Variants in PHKG2 observed in about 807,000 individuals in gnomAD.
PHKG2 encodes the protein phosphorylase b kinase gamma catalytic chain, liver/testis isoform.
Under a neutral mutation model 44.5 loss-of-function variants are expected in PHKG2, and 28 were observed. The ratio of observed to expected loss-of-function variants is 0.63; its 90% CI spans 0.47 to 0.86. The LOEUF (loss-of-function observed/expected upper bound fraction) is 0.86. PHKG2 is among the 40% of genes least tolerant of loss of function. The pLI, the probability that PHKG2 is intolerant of heterozygous loss-of-function variation, is 0.00. For missense variants in PHKG2, 498 were observed against 547.5 expected (o/e 0.91, Z 0.90); for synonymous variants, 220 against 211.2 (o/e 1.04, Z -0.36).
rs1596689620 is a variant in PHKG2, at chr16:30,757,091, G to A, written c.1215G>A (p.Leu405=). ...AITEDEAVLV[L]G is the part of the protein sequence containing the mutation. ...CTGAGGATGAGGCCGTGCTTGTGCT[G>A]GGCTAGGACCTCAACCCCAGGGATT... Residue 405 remains leucine (L), a synonymous_variant, in exon 10 of 10, where the codon CTG becomes CTA. Coordinates refer to ENST00000563588, the MANE Select transcript of PHKG2 (RefSeq NM_000294.3). 2 of 1,613,106 alleles carry A rather than the reference G, an allele frequency of 1.2e-6. No homozygotes were observed. The highest frequency in any genetic ancestry group is 1.7e-6 in the Non-Finnish European group (2 of 1,180,020).
chr16:30,751,618 G>A lies in PHKG2; in HGVS notation c.326+15G>A. On this transcript the variant is annotated intron_variant, in intron 4 of 9. Transcript: ENST00000563588. ...GTGTTTGACCTGTGAGTATCTCCCT[G>A]CCACCATCTGAGAAGCCTCCTCCCC... is the stretch of plus-strand genomic sequence containing the variant. The A allele has an allele frequency of 6.2e-7, 1 of 1,608,596 alleles. No homozygotes were observed. Among genetic ancestry groups the A allele is most frequent in the South Asian group, 1.1e-5 (1 of 90,962 alleles).
rs765937812 is a variant in PHKG2 at position 30,757,592 on chromosome 16, G to C, written c.*495G>C. 12 of 1,614,056 alleles carry C rather than the reference G, an allele frequency of 7.4e-6. No individual in the cohort carries two copies. Among genetic ancestry groups the C allele is most frequent in the Non-Finnish European group, 1.0e-5 (12 of 1,180,034 alleles). ...TTGAGCCGCTCCTCCACCAGCCCCT[G>C]GAGCTGCTCCAGCTCTTTGTTCACT... On this transcript the variant is annotated 3_prime_UTR_variant, in exon 10 of 10. Coordinates refer to ENST00000563588, the MANE Select transcript of PHKG2 (RefSeq NM_000294.3).
rs1360459595 is a variant in PHKG2, at chr16:30,751,110, G to A, written c.100G>A (p.Val34Met). The A allele has an allele frequency of 2.5e-6, 4 of 1,613,580 alleles. No individual in the cohort carries two copies. The highest frequency in any genetic ancestry group is 1.6e-4 in the Middle Eastern group (1 of 6,062). ...YDPKDVIGRG[V>M]SSVVRRCVHR... ...GCTATTTTCCGGCTCTTGCAGAGGA[G>A]TGAGCTCTGTGGTCCGCCGTTGTGT... Residue 34 changes from valine (V) to methionine (M), a missense_variant, in exon 3 of 10, where the codon GTG (valine) becomes ATG (methionine). Transcript: ENST00000563588.
At chr16:30,755,786 T>C (rs532566290) in intron 6 of PHKG2, among the ~76,000 whole-genome samples, 2 of 151,658 alleles carry the variant, frequency 1.3e-5, no homozygotes, top group Non-Finnish European at 2.9e-5. Flanking sequence ...ATGCAGAAAA[T>C]TTTTTTTTGC....
In PHKG2 at chr16:30,759,092, T is replaced by G. The variant is rs1390497903; in HGVS notation, c.*1995T>G. On this transcript the variant is annotated 3_prime_UTR_variant, in exon 10 of 10. Coordinates refer to ENST00000563588, the MANE Select transcript of PHKG2 (RefSeq NM_000294.3). Reference sequence around the variant, plus strand: ...TGCCTGCTCCTCCATCTCCTTGCTTTCTTCTTTCTCTGCAAACCAGAAGCA... The same window carrying G: ...TGCCTGCTCCTCCATCTCCTTGCTTGCTTCTTTCTCTGCAAACCAGAAGCA... 22 of 1,614,196 alleles carry G rather than the reference T, an allele frequency of 1.4e-5. No homozygotes were observed. The highest frequency in any genetic ancestry group is 1.8e-5 in the Non-Finnish European group (21 of 1,180,040).
At position 30,760,469 on chromosome 16, in the gene PHKG2, G is replaced by GT; in HGVS notation, c.*3372_*3373insT. The GT allele has an allele frequency of 6.2e-7, 1 of 1,613,346 alleles. No homozygotes were observed. Among genetic ancestry groups the GT allele is most frequent in the Non-Finnish European group, 8.5e-7 (1 of 1,179,464 alleles). Reference sequence around the variant, plus strand: ...AGCCAGCACCCTTGGGAGGGAGAGAGGAGTGAGTGACAACTGGGCCTCCTT... The same window carrying GT: ...AGCCAGCACCCTTGGGAGGGAGAGAGTGAGTGAGTGACAACTGGGCCTCCTT... On this transcript the variant is annotated 3_prime_UTR_variant, in exon 10 of 10. Transcript: ENST00000563588.
Position 30,757,587 on chromosome 16 carries a change from C to A in PHKG2, c.*490C>A, listed in dbSNP as rs757905209. ...TGGCCTTGAGCCGCTCCTCCACCAGCCCCTGGAGCTGCTCCAGCTCTTTGT... is the reference window on the plus strand; with the variant it reads ...TGGCCTTGAGCCGCTCCTCCACCAGACCCTGGAGCTGCTCCAGCTCTTTGT... On this transcript the variant is annotated 3_prime_UTR_variant, in exon 10 of 10. Transcript: ENST00000563588. 2.5e-6 allele frequency: 4 copies of A among 1,614,184 alleles called. No individual in the cohort carries two copies. Among genetic ancestry groups the A allele is most frequent in the Non-Finnish European group, 3.4e-6 (4 of 1,180,022 alleles).
chr16:30,751,603 T>C lies in PHKG2; in HGVS notation c.326T>C (p.Leu109Pro). ...AGCTTCATGTTCCTGGTGTTTGACC[T>C]GTGAGTATCTCCCTGCCACCATCTG... ...SSSFMFLVFD[L>P]MRKGELFDYL... is the part of the protein sequence containing the mutation. The change falls in exon 4 of 10, where the codon CTG becomes CCG. Residue 109 changes from leucine (L) to proline (P), a missense_variant and splice_region_variant. Leu to Pro is a moderately conservative substitution (Grantham distance 98). Transcript: ENST00000563588. 6.2e-7 allele frequency: 1 copy of C among 1,612,264 alleles called. No individual in the cohort carries two copies. The highest frequency in any genetic ancestry group is 2.2e-5 in the East Asian group (1 of 44,866).
chr16:30,751,630 G>C (rs1434913784), intron 4 of PHKG2, 27 bp downstream of exon 4: 1 of 1,590,954 alleles, frequency 6.3e-7, no homozygotes, highest in Admixed American at 1.7e-5. Flanking sequence ...CACCATCTGA[G>C]AAGCCTCCTC....
intron 6 of PHKG2, among the ~76,000 whole-genome samples, chr16:30,755,612 G>C (rs2053409041): frequency 6.6e-6 from 1 of 151,936 alleles, no homozygotes; most frequent in Non-Finnish European, 1.5e-5. Flanking sequence ...GGAGGCGGAG[G>C]TTACATTGAG....
Position 30,756,417 on chromosome 16 carries a change from T to C in PHKG2, c.698T>C (p.Phe233Ser), listed in dbSNP as rs2053427702. The change falls in exon 8 of 10, where the codon TTC (phenylalanine) becomes TCC (serine). Residue 233 changes from phenylalanine (F) to serine (S), a missense_variant. Transcript: ENST00000563588. ...ACACTCCTGGCTGGCTCGCCACCCT[T>C]CTGGCACCGGCGGCAGATCCTGATG... ...LFTLLAGSPP[F>S]WHRRQILMLR... 2 of 1,613,906 alleles carry C rather than the reference T, an allele frequency of 1.2e-6. No homozygotes were observed. Among genetic ancestry groups the C allele is most frequent in the African/African-American group, 1.3e-5 (1 of 74,894 alleles).
intron 4 of PHKG2, chr16:30,752,865 A>AAACTT (rs2053369683): frequency 2.9e-6 from 1 of 339,424 alleles, no homozygotes; most frequent in Non-Finnish European, 5.6e-6. Flanking sequence ...AAACTTCAAA[A>AAACTT]TAAGGTCCTA....
intron 7 of PHKG2, 41 bp downstream of exon 7, chr16:30,756,313 C>A: frequency 6.2e-7 from 1 of 1,614,114 alleles, no homozygotes; most frequent in Non-Finnish European, 8.5e-7. Flanking sequence ...GCTTGCTGTC[C>A]TTTGCTGGGT....
At position 30,756,449 on chromosome 16, in the gene PHKG2, A is replaced by G; in HGVS notation, c.730A>G (p.Met244Val). ...CCGGCGGCAGATCCTGATGTTACGC[A>G]TGATCATGGAGGGCCAGTACCAGTT... Reference protein sequence around the residue: ...WHRRQILMLRMIMEGQYQFSS... With the variant: ...WHRRQILMLRVIMEGQYQFSS... Residue 244 changes from methionine (M) to valine (V), a missense_variant, in exon 8 of 10, where the codon ATG becomes GTG. Met to Val is a conservative substitution (Grantham distance 21). Coordinates refer to ENST00000563588, the MANE Select transcript of PHKG2 (RefSeq NM_000294.3). The G allele has an allele frequency of 6.8e-6, 11 of 1,613,848 alleles. No individual in the cohort carries two copies. Among genetic ancestry groups the G allele is most frequent in the South Asian group, 1.1e-5 (1 of 91,076 alleles).
intron 6 of PHKG2, chr16:30,754,898 C>T (rs1188804478): frequency 2.2e-6 from 1 of 455,902 alleles, no homozygotes; most frequent in African/African-American, 2.0e-5. Flanking sequence ...TCGGTAAGGG[C>T]TCATCTCATT....
intron 2 of PHKG2, among the ~76,000 whole-genome samples, chr16:30,749,517 A>G (rs1459951312): frequency 6.6e-6 from 1 of 151,332 alleles, no homozygotes; most frequent in East Asian, 1.9e-4. Flanking sequence ...CGGCTAATTT[A>G]TATTTTTAGT....
Position 30,758,173 on chromosome 16 carries a change from T to G in PHKG2, c.*1076T>G, listed in dbSNP as rs777561828. 6.6e-6 allele frequency: 1 copy of G among 151,554 alleles called. No homozygotes were observed. The highest frequency in any genetic ancestry group is 1.5e-5 in the Non-Finnish European group (1 of 68,058). The allele number at this position is 151,554 out of a possible 1,614,324, so 9.4% of individuals were successfully genotyped here. A position where few individuals can be genotyped will look rare whatever the true frequency, so the allele number is the denominator to read the frequency against. ...CTGCAAGCTCTGCCTCCCAGGTTCA[T>G]GCCATTCTCCTGCCTCAGCCTCCCA... On this transcript the variant is annotated 3_prime_UTR_variant, in exon 10 of 10. Transcript: ENST00000563588.
intron 6 of PHKG2, 49 bp from the exon 7 acceptor site, chr16:30,756,133 C>A: frequency 7.3e-7 from 1 of 1,361,336 alleles, no homozygotes; most frequent in African/African-American, 1.4e-5. Flanking sequence ...GTGCTAAGGG[C>A]CCTAGAGGGG....
chr16:30,759,075 C>T lies in PHKG2; in HGVS notation c.*1978C>T, dbSNP rs368395391. Reference sequence around the variant, plus strand: ...TCTTTCTGCGGGGTAACTGCCTGCTCCTCCATCTCCTTGCTTTCTTCTTTC... The same window carrying T: ...TCTTTCTGCGGGGTAACTGCCTGCTTCTCCATCTCCTTGCTTTCTTCTTTC... On this transcript the variant is annotated 3_prime_UTR_variant, in exon 10 of 10. Coordinates refer to ENST00000563588, the MANE Select transcript of PHKG2 (RefSeq NM_000294.3). 6.8e-6 allele frequency: 11 copies of T among 1,614,212 alleles called. No individual in the cohort carries two copies. Among genetic ancestry groups the T allele is most frequent in the Non-Finnish European group, 8.5e-6 (10 of 1,180,036 alleles).
Sources: allele counts gnomAD v4.1 joint callset (sites outside exome capture counted in the v4.1 genomes callset), GRCh38; gene constraint gnomAD v4.1.1; transcripts MANE v1.5; gene names NCBI Gene and HGNC (gene_info 2026-07-23, HGNC 2026-07-21).